Variants in KCNAB1 observed in about 807,000 individuals in gnomAD.
The protein encoded by KCNAB1 is potassium voltage-gated channel subfamily A regulatory beta subunit 1.
Under a neutral mutation model 64.6 loss-of-function variants are expected in KCNAB1, and 35 were observed. The observed-to-expected ratio is 0.54, with a 90% CI of 0.41 to 0.72. The LOEUF is 0.72. Among genes scored for constraint, KCNAB1 ranks in the 30% least tolerant of loss-of-function variants. The probability of loss-of-function intolerance (pLI) is 0.00; values close to 1 mark genes in which losing one functional copy is unlikely to be tolerated. For missense variants in KCNAB1, 401 were observed against 512.9 expected, an observed-to-expected ratio of 0.78 and a Z score of 2.11; for synonymous variants, 177 against 183.8, an observed-to-expected ratio of 0.96 and a Z score of 0.30.
intron 8 of KCNAB1, among the ~76,000 whole-genome samples, chr3:156,498,040 C>G (rs1304336435): frequency 1.3e-5 from 2 of 152,124 alleles, no homozygotes; most frequent in Non-Finnish European, 1.5e-5. Flanking sequence ...GAGCCCCTGT[C>G]AAAGCAACAT....
At chr3:156,476,262 A>G (rs1037784868) in intron 8 of KCNAB1, among the ~76,000 whole-genome samples, 5 of 151,996 alleles carry the variant, frequency 3.3e-5, no homozygotes, top group Non-Finnish European at 7.4e-5. Flanking sequence ...AGCAGAATAC[A>G]CTGCACCATA....
At chr3:156,445,674 G>A (rs1234234707) in intron 2 of KCNAB1, among the ~76,000 whole-genome samples, 1 of 152,174 alleles carries the variant, frequency 6.6e-6, no homozygotes, top group African/African-American at 2.4e-5. Flanking sequence ...CCAGGCTCCA[G>A]TGCAATGGCT....
At chr3:156,420,465 T>G (rs1715397664) in intron 1 of KCNAB1, among the ~76,000 whole-genome samples, 1 of 152,208 alleles carries the variant, frequency 6.6e-6, no homozygotes, top group Non-Finnish European at 1.5e-5. Flanking sequence ...AAACATGTGA[T>G]GCAAAAATGG....
chr3:156,124,443 C>T (rs1241730512), intron 1 of KCNAB1, among the ~76,000 whole-genome samples: 1 of 151,998 alleles, frequency 6.6e-6, no homozygotes, highest in African/African-American at 2.4e-5. Context: ...TCTTGAACTC[C>T]TGACCTCAAG....
intron 1 of KCNAB1, among the ~76,000 whole-genome samples, chr3:156,373,446 C>T (rs777572402): frequency 2.0e-5 from 3 of 152,082 alleles, no homozygotes; most frequent in African/African-American, 7.2e-5. Flanking sequence ...GAGTCAAGGC[C>T]TCTCAGGTTT....
chr3:156,273,621 C>A (rs13093003), intron 1 of KCNAB1: 2 of 456,226 alleles, frequency 4.4e-6, no homozygotes, highest in Non-Finnish European at 8.8e-6. Flanking sequence ...GGCAATTCAC[C>A]GCTGTCTTTC....
intron 1 of KCNAB1, among the ~76,000 whole-genome samples, chr3:156,412,113 A>G (rs1714711592): frequency 6.6e-6 from 1 of 152,172 alleles, no homozygotes; most frequent in Non-Finnish European, 1.5e-5. Context: ...TAAATTTATA[A>G]ACAAATACTT....
chr3:156,493,474 G>A (rs574203575), intron 8 of KCNAB1, among the ~76,000 whole-genome samples: 5 of 151,906 alleles, frequency 3.3e-5, no homozygotes, highest in Admixed American at 1.3e-4. Context: ...GACATAAAAA[G>A]TAAGGAAAAT....
intron 1 of KCNAB1, among the ~76,000 whole-genome samples, chr3:156,203,571 A>G (rs1714476618): frequency 6.6e-6 from 1 of 152,254 alleles, no homozygotes; most frequent in Admixed American, 6.5e-5. Context: ...AAATACGTTA[A>G]CACATGTTCA....
chr3:156,160,514 G>A (rs143484922), intron 1 of KCNAB1, among the ~76,000 whole-genome samples: 3 of 152,252 alleles, frequency 2.0e-5, no homozygotes, highest in Non-Finnish European at 2.9e-5. Flanking sequence ...TAGAAGATGA[G>A]GTTAAGAGGC....
In KCNAB1 at chr3:156,405,860, T is replaced by C. The variant is rs1714211018; in HGVS notation, c.276-15756T>C. On this transcript the variant is annotated intron_variant, in intron 1 of 13. Transcript: ENST00000490337. ...CCTTATAAATAACTACTATGATCCA[T>C]ATTTTTGTACATAAACCTAATTTCA... Among the ~76,000 whole-genome samples the C allele has an allele frequency of 1.3e-5, 2 of 152,240 alleles. 1 individual carries two copies. The highest frequency in any genetic ancestry group is 4.1e-4 in the South Asian group (2 of 4,836).
chr3:156,386,583 T>C (rs1480607813), intron 1 of KCNAB1, among the ~76,000 whole-genome samples: 4 of 152,280 alleles, frequency 2.6e-5, no homozygotes, highest in Non-Finnish European at 5.9e-5. Flanking sequence ...AATGTGATAA[T>C]TGCCAAACCA....
intron 1 of KCNAB1, among the ~76,000 whole-genome samples, chr3:156,164,399 C>T (rs1227267364): frequency 6.6e-6 from 1 of 152,104 alleles, no homozygotes; most frequent in Non-Finnish European, 1.5e-5. Flanking sequence ...CATCAGTGTC[C>T]CATTGGCTTC....
At chr3:156,496,773 A>G (rs560555898) in intron 8 of KCNAB1, among the ~76,000 whole-genome samples, 25 of 152,292 alleles carry the variant, frequency 1.6e-4, no homozygotes, top group Non-Finnish European at 3.5e-4. Flanking sequence ...AAAACAGCCA[A>G]CATTGTATGG....
chr3:156,312,703 CAAAAAAAAAAAAAAAA>C (rs397991453), intron 1 of KCNAB1, among the ~76,000 whole-genome samples: 2 of 27,406 alleles, frequency 7.3e-5, no homozygotes, highest in African/African-American at 1.2e-4. Flanking sequence ...AGACTGTCTC[CAAAAAAAAAAAAAAAA>C]AAAAAAAAAA....
At chr3:156,312,627 G>A (rs1025566041) in intron 1 of KCNAB1, among the ~76,000 whole-genome samples, 4 of 127,698 alleles carry the variant, frequency 3.1e-5, no homozygotes, top group Non-Finnish European at 4.5e-5. Context: ...CAGGAGAATC[G>A]CTTGAACCTG....
chr3:156,237,924 T>C (rs930427210), intron 1 of KCNAB1, among the ~76,000 whole-genome samples: 3 of 152,038 alleles, frequency 2.0e-5, no homozygotes, highest in Non-Finnish European at 4.4e-5. Flanking sequence ...TATTCTGTCC[T>C]TTCTGTACAC....
chr3:156,152,935 T>C (rs1715499776), intron 1 of KCNAB1, among the ~76,000 whole-genome samples: 1 of 152,230 alleles, frequency 6.6e-6, no homozygotes, highest in Admixed American at 6.5e-5. Context: ...TTTCTTCCTC[T>C]ACCTCTATTT....
chr3:156,309,954 A>G (rs531353795), intron 1 of KCNAB1, among the ~76,000 whole-genome samples: 1 of 152,328 alleles, frequency 6.6e-6, no homozygotes, highest in African/African-American at 2.4e-5. Flanking sequence ...AGGGAGTGAG[A>G]TTAGTCCTGT....
Sources: gnomAD v4.1 joint callset for allele counts (sites outside exome capture counted in the v4.1 genomes callset) on GRCh38, gnomAD v4.1.1 for gene constraint, MANE v1.5 for transcripts, NCBI Gene and HGNC (gene_info 2026-07-23, HGNC 2026-07-21) for gene names.